Variants in SLC44A5 observed in about 807,000 individuals in gnomAD.
SLC44A5 encodes choline transporter-like protein 5.
Under a neutral mutation model 101.8 loss-of-function variants are expected in SLC44A5, and 57 were observed. That is an observed-to-expected ratio of 0.56 (90% CI 0.45 to 0.70). The LOEUF (loss-of-function observed/expected upper bound fraction) is 0.70, where lower values mean the gene tolerates loss of function less well. Among genes scored for constraint, SLC44A5 ranks in the 30% least tolerant of loss-of-function variants. SLC44A5 has a pLI of 0.00. For synonymous variants in SLC44A5, 281 were observed against 290.9 expected (o/e 0.97, Z 0.35); for missense variants, 737 against 853.1 (o/e 0.86, Z 1.70).
chr1:75,364,860 G>T lies in SLC44A5; in HGVS notation c.53-25230C>A, dbSNP rs966547202. 2.6e-5 allele frequency among the ~76,000 whole-genome samples: 4 copies of T among 151,914 alleles called. 1 individual carries two copies. In the South Asian group the frequency reaches 8.3e-4, roughly 32 times the overall value. On this transcript the variant is annotated intron_variant, in intron 3 of 23. Coordinates refer to ENST00000370859, the MANE Select transcript of SLC44A5 (RefSeq NM_001130058.2). ...CTGATTCTTTATTATGATTTAGGAA[G>T]CCTGCTACTGAAGTTTTCTACTAAA...
chr1:75,504,796 G>A (rs777357488), intron 2 of SLC44A5, among the ~76,000 whole-genome samples: 11 of 151,890 alleles, frequency 7.2e-5, no homozygotes, highest in South Asian at 2.1e-4. Context: ...GGGAAATACC[G>A]CTCTATCCCC....
At chr1:75,232,313 C>A (rs1045915825) in intron 12 of SLC44A5, among the ~76,000 whole-genome samples, 1 of 152,128 alleles carries the variant, frequency 6.6e-6, no homozygotes, top group African/African-American at 2.4e-5. Flanking sequence ...AAGTCAATAG[C>A]AGACTTTACT....
intron 5 of SLC44A5, among the ~76,000 whole-genome samples, chr1:75,299,513 T>A (rs2100857043): frequency 6.6e-6 from 1 of 152,282 alleles, no homozygotes; most frequent in Middle Eastern, 3.4e-3. Context: ...CCACATTGAC[T>A]CCATGCCATT....
the SLC44A5 span, among the ~76,000 whole-genome samples, chr1:75,619,743 T>C: frequency 6.6e-6 from 1 of 152,182 alleles, no homozygotes; most frequent in Non-Finnish European, 1.5e-5. Context: ...CTAATGTCCC[T>C]AGAATTAGAG....
intron 4 of SLC44A5, among the ~76,000 whole-genome samples, chr1:75,322,307 A>G (rs1477507534): frequency 2.0e-5 from 3 of 152,108 alleles, no homozygotes; most frequent in African/African-American, 4.8e-5. Flanking sequence ...GCGAGACTCC[A>G]TCTCAAAAAA....
chr1:75,624,878 T>G, the SLC44A5 span, among the ~76,000 whole-genome samples: 1 of 152,122 alleles, frequency 6.6e-6, no homozygotes, highest in African/African-American at 2.4e-5. Flanking sequence ...TGCTTTTTTC[T>G]AAATTACCCT....
the SLC44A5 span, among the ~76,000 whole-genome samples, chr1:75,666,888 C>T: frequency 6.6e-6 from 1 of 152,104 alleles, no homozygotes; most frequent in Non-Finnish European, 1.5e-5. Flanking sequence ...ATTCAACATC[C>T]CTTCATGCTA....
intron 2 of SLC44A5, among the ~76,000 whole-genome samples, chr1:75,420,767 TAG>T (rs1445196250): frequency 6.6e-6 from 1 of 152,156 alleles, no homozygotes; most frequent in African/African-American, 2.4e-5. Flanking sequence ...TCAATAATTG[TAG>T]AGACTGGTTT....
rs35926266 is a variant in SLC44A5 at position 75,360,084 on chromosome 1, T to C, written c.53-20454A>G. On this transcript the variant is annotated intron_variant, in intron 3 of 23. Transcript: ENST00000370859. ...GGACATAAATTTCTTATCAGATGTA[T>C]GGTTTGAAAATAAGTTTTCCCACTC... is the stretch of plus-strand genomic sequence containing the variant. Among the ~76,000 whole-genome samples, 1,205 of 152,312 alleles carry C rather than the reference T, an allele frequency of 7.9e-3. 11 individuals are homozygous for C. Among genetic ancestry groups the C allele is most frequent in the Admixed American group, 0.018 (273 of 15,294 alleles).
chr1:75,362,227 T>A (rs1569974980), intron 3 of SLC44A5, among the ~76,000 whole-genome samples: 1 of 151,838 alleles, frequency 6.6e-6, no homozygotes, highest in South Asian at 2.1e-4. Flanking sequence ...TGTTGACTTG[T>A]TTTTTTAAAA....
At chr1:75,699,605 A>G in the SLC44A5 span, among the ~76,000 whole-genome samples, 1 of 151,956 alleles carries the variant, frequency 6.6e-6, no homozygotes, top group Admixed American at 6.6e-5. Context: ...TAACGAAAAA[A>G]AAAAAAAACA....
At chr1:75,712,759 A>T in the SLC44A5 span, among the ~76,000 whole-genome samples, 4 of 150,946 alleles carry the variant, frequency 2.6e-5, no homozygotes, top group Non-Finnish European at 5.9e-5. Flanking sequence ...GCTGTCGTTT[A>T]AAAAAAATTA....
intron 4 of SLC44A5, among the ~76,000 whole-genome samples, chr1:75,330,305 G>A (rs1180286272): frequency 1.3e-5 from 2 of 151,112 alleles, no homozygotes; most frequent in African/African-American, 4.9e-5. Flanking sequence ...TCCAGCCCTG[G>A]GCCTTCCACC....
intron 12 of SLC44A5, among the ~76,000 whole-genome samples, chr1:75,230,925 A>G (rs1264108926): frequency 1.7e-4 from 26 of 152,188 alleles, no homozygotes; most frequent in Admixed American, 1.6e-3. Context: ...TACATGTTCT[A>G]TATCTATTAA....
intron 2 of SLC44A5, among the ~76,000 whole-genome samples, chr1:75,437,982 A>T (rs1664984112): frequency 6.6e-6 from 1 of 152,026 alleles, no homozygotes; most frequent in Non-Finnish European, 1.5e-5. Context: ...GGATTCCTGA[A>T]CTGTGTGATG....
the SLC44A5 span, among the ~76,000 whole-genome samples, chr1:75,661,387 T>TAAAAAA: frequency 0.016 from 864 of 53,602 alleles, 99 homozygotes; most frequent in East Asian, 0.042. Context: ...CTACTGCAAG[T>TAAAAAA]AAAAAAAAAA....
the SLC44A5 span, among the ~76,000 whole-genome samples, chr1:75,627,919 T>C: frequency 2.4e-4 from 36 of 148,656 alleles, no homozygotes; most frequent in Non-Finnish European, 4.9e-4. Flanking sequence ...AGAGAATTTA[T>C]AGTCCATCTA....
intron 2 of SLC44A5, among the ~76,000 whole-genome samples, chr1:75,484,652 G>GCCCTCTGCATTGCCCTC (rs1668059283): frequency 7.2e-5 from 11 of 152,120 alleles, no homozygotes; most frequent in Admixed American, 5.2e-4. Context: ...AGGCAACATT[G>GCCCTCTGCATTGCCCTC]CCCTCTGCAT....
chr1:75,440,349 G>A (rs79986660), intron 2 of SLC44A5, among the ~76,000 whole-genome samples: 2,107 of 152,198 alleles, frequency 0.014, 18 homozygotes, highest in Non-Finnish European at 0.02. Context: ...TAGTTATGAA[G>A]AAGGCATTAA....
Sources: gnomAD v4.1 joint callset for allele counts (sites outside exome capture counted in the v4.1 genomes callset) on GRCh38, gnomAD v4.1.1 for gene constraint, MANE v1.5 for transcripts, NCBI Gene and HGNC (gene_info 2026-07-23, HGNC 2026-07-21) for gene names.